PDE3B: variants seen among roughly 807,000 people sequenced by gnomAD.
PDE3B encodes the protein phosphodiesterase 3B.
In PDE3B, 66 loss-of-function variants were observed where a neutral mutation model predicts 116.8. The ratio of observed to expected loss-of-function variants is 0.56; its 90% CI spans 0.46 to 0.69. PDE3B has a LOEUF of 0.69. PDE3B is among the 30% of genes least tolerant of loss of function. The pLI is 0.00. For missense variants in PDE3B, 1,384 were observed against 1,368.1 expected (o/e 1.01, Z -0.18); for synonymous variants, 595 against 533.6 (o/e 1.12, Z -1.59).
At chr11:14,861,505 C>T in intron 14 of PDE3B, 139 bp downstream of exon 14, 2 of 751,178 alleles carry the variant, frequency 2.7e-6, no homozygotes, top group South Asian at 3.5e-5. Context: ...GTTGCATTTG[C>T]TTTGGTTCTT....
chr11:14,838,840 C>T (rs1860140589), intron 11 of PDE3B, among the ~76,000 whole-genome samples: 1 of 152,144 alleles, frequency 6.6e-6, no homozygotes, highest in African/African-American at 2.4e-5. Flanking sequence ...GAGCAACTGG[C>T]AGTGGCTCTA....
chr11:14,726,611 A>G (rs995891264), intron 1 of PDE3B, among the ~76,000 whole-genome samples: 1 of 152,222 alleles, frequency 6.6e-6, no homozygotes, highest in Non-Finnish European at 1.5e-5. Flanking sequence ...ATCAGATTAG[A>G]AGGACCCAAC....
At chr11:14,646,017 A>T (rs769766336) in intron 1 of PDE3B, among the ~76,000 whole-genome samples, 2 of 152,192 alleles carry the variant, frequency 1.3e-5, no homozygotes, top group Non-Finnish European at 2.9e-5. Flanking sequence ...ACAGCTTCAC[A>T]TGTCTAGTTA....
rs927141540 is a variant in PDE3B, at chr11:14,794,896, T to C, written c.1415+5654T>C. Among the ~76,000 whole-genome samples the C allele has an allele frequency of 3.9e-5, 6 of 152,310 alleles. No homozygotes were observed. The East Asian group carries it at 1.2e-3, about 29-fold the overall frequency. On this transcript the variant is annotated intron_variant, in intron 4 of 15. Transcript: ENST00000282096. ...ACAAATCAACAGCCAGATGAGGAGA[T>C]ACAAAGGACAGGTCTGGAAGGGGCC...
At position 14,644,471 on chromosome 11, in the gene PDE3B, C is replaced by T. The variant is rs567162487; in HGVS notation, c.396C>T (p.Leu132=). The T allele has an allele frequency of 6.2e-7, 1 of 1,613,066 alleles. No individual in the cohort carries two copies. The highest frequency in any genetic ancestry group is 8.5e-7 in the Non-Finnish European group (1 of 1,179,544). ...GCATCGCCTGTGCCTTCTTCTTCCT[C>T]ACCTGCTTCCTCACCCGGACCAAGC... ...LFSIACAFFF[L]TCFLTRTKRG... Residue 132 remains leucine, a synonymous_variant, in exon 1 of 16, where the codon CTC becomes CTT. Transcript: ENST00000282096.
the PDE3B span, chr11:14,880,771 GA>G: frequency 2.7e-5 from 43 of 1,601,274 alleles, no homozygotes; most frequent in African/African-American, 3.1e-4. Flanking sequence ...GAGTAAGCCT[GA>G]AAAAAAATAT....
intron 13 of PDE3B, 42 bp from the exon 14 acceptor site, chr11:14,861,163 A>C (rs1555007083): frequency 1.3e-6 from 2 of 1,501,342 alleles, no homozygotes; most frequent in South Asian, 2.4e-5. Flanking sequence ...AAGTTTTAAA[A>C]ATGCCTTCAG....
At chr11:14,844,528 C>T (rs1055426992) in intron 12 of PDE3B, among the ~76,000 whole-genome samples, 3 of 152,200 alleles carry the variant, frequency 2.0e-5, no homozygotes, top group South Asian at 2.1e-4. Flanking sequence ...CGAAGCAGGG[C>T]GAGGCATTGC....
At chr11:14,804,401 T>C (rs1255855746) in intron 5 of PDE3B, among the ~76,000 whole-genome samples, 1 of 151,942 alleles carries the variant, frequency 6.6e-6, no homozygotes, top group African/African-American at 2.4e-5. Flanking sequence ...AGAAAAAAAT[T>C]TTAGGATTAG....
At chr11:14,650,612 G>A (rs966738790) in intron 1 of PDE3B, among the ~76,000 whole-genome samples, 1 of 152,122 alleles carries the variant, frequency 6.6e-6, no homozygotes, top group African/African-American at 2.4e-5. Context: ...GAAGAGAGAG[G>A]CAGAAGAGAT....
At chr11:14,892,161 G>A in the PDE3B span, 9 of 1,610,624 alleles carry the variant, frequency 5.6e-6, no homozygotes, top group Admixed American at 3.3e-5. Flanking sequence ...AGAGCGCGCC[G>A]CCGAGCGCCG....
the PDE3B span, chr11:14,879,292 A>G: frequency 6.2e-7 from 1 of 1,613,336 alleles, no homozygotes; most frequent in Admixed American, 1.7e-5. Flanking sequence ...CTGCATCTTC[A>G]GAGGTTGCAT....
chr11:14,827,426 C>T (rs139413668), intron 7 of PDE3B, among the ~76,000 whole-genome samples: 41 of 152,236 alleles, frequency 2.7e-4, no homozygotes, highest in East Asian at 1.2e-3. Context: ...CCCGAAGTCT[C>T]GGCCCGAAAG....
intron 1 of PDE3B, among the ~76,000 whole-genome samples, chr11:14,755,901 A>C (rs963327333): frequency 6.6e-6 from 1 of 152,226 alleles, no homozygotes; most frequent in Non-Finnish European, 1.5e-5. Context: ...AAGTGAGCTC[A>C]TACCTATCAA....
chr11:14,668,105 G>C (rs187479148), intron 1 of PDE3B, among the ~76,000 whole-genome samples: 2 of 151,870 alleles, frequency 1.3e-5, no homozygotes, highest in Non-Finnish European at 2.9e-5. Context: ...GAAAGGGGGA[G>C]ACATCCAGGT....
intron 1 of PDE3B, among the ~76,000 whole-genome samples, chr11:14,748,728 G>T (rs1286271413): frequency 6.6e-6 from 1 of 151,830 alleles, no homozygotes; most frequent in Non-Finnish European, 1.5e-5. Context: ...TTATGGTTTT[G>T]GAAAGTATCT....
chr11:14,803,531 G>A (rs979696257), intron 4 of PDE3B, among the ~76,000 whole-genome samples: 2 of 152,310 alleles, frequency 1.3e-5, no homozygotes, highest in Non-Finnish European at 2.9e-5. Flanking sequence ...CCTTGGGGAC[G>A]AGACCAGCAG....
intron 1 of PDE3B, among the ~76,000 whole-genome samples, chr11:14,690,752 A>G (rs1855021783): frequency 6.6e-6 from 1 of 151,914 alleles, no homozygotes; most frequent in Non-Finnish European, 1.5e-5. Flanking sequence ...TAAATGATGC[A>G]TTGGGGTAGC....
At chr11:14,809,333 T>A (rs1051590348) in intron 5 of PDE3B, among the ~76,000 whole-genome samples, 2 of 152,194 alleles carry the variant, frequency 1.3e-5, no homozygotes, top group African/African-American at 4.8e-5. Flanking sequence ...AGAAACAACC[T>A]AAATGGCTAT....
Sources: gnomAD v4.1 joint callset for allele counts (sites outside exome capture counted in the v4.1 genomes callset) on GRCh38, gnomAD v4.1.1 for gene constraint, MANE v1.5 for transcripts, NCBI Gene and HGNC (gene_info 2026-07-23, HGNC 2026-07-21) for gene names.